Variants in ST3GAL2 observed in about 807,000 individuals in gnomAD.
ST3GAL2 encodes ST3 beta-galactoside alpha-2,3-sialyltransferase 2, also known as CMP-N-acetylneuraminate-beta-galactosamide-alpha-2,3-sialyltransferase 2.
ST3GAL2 carries 16 observed loss-of-function variants against 37.5 expected under a neutral mutation model. That is an observed-to-expected ratio of 0.43 (90% CI 0.29 to 0.65). The LOEUF is 0.65. ST3GAL2 is among the 30% of genes least tolerant of loss of function. The pLI is 0.17. For synonymous variants in ST3GAL2, 238 were observed against 202.9 expected (o/e 1.17, Z -1.47); for missense variants, 383 against 487.8 (o/e 0.79, Z 2.02).
chr16:70,425,698 G>A (rs989398789), intron 1 of ST3GAL2, among the ~76,000 whole-genome samples: 2 of 152,064 alleles, frequency 1.3e-5, no homozygotes, highest in African/African-American at 4.8e-5. Flanking sequence ...AGCCTGGGTG[G>A]GTAACAAGAG....
chr16:70,436,098 C>A (rs989722470), intron 1 of ST3GAL2, among the ~76,000 whole-genome samples: 2 of 151,062 alleles, frequency 1.3e-5, no homozygotes, highest in African/African-American at 2.4e-5. Flanking sequence ...TGCACTCCAG[C>A]CTGGGTGACA....
Position 70,382,786 on chromosome 16 carries a change from A to C in ST3GAL2, c.879+19T>G. On this transcript the variant is annotated intron_variant, in intron 6 of 6. Transcript: ENST00000342907. ...TCTGTTCCATGGGTTCCCACCACCC[A>C]CACCACGGGCCTACCCACCTCATCA... 1 of 1,613,810 alleles carries C rather than the reference A, an allele frequency of 6.2e-7. No homozygotes were observed. The highest frequency in any genetic ancestry group is 1.1e-5 in the South Asian group (1 of 91,056).
Position 70,398,092 on chromosome 16 carries a change from G to T in ST3GAL2, c.339+100C>A. The T allele has an allele frequency of 2.4e-6, 3 of 1,268,030 alleles. No individual in the cohort carries two copies. In the South Asian group the frequency reaches 4.3e-5, roughly 18 times the overall value. The allele number at this position is 1,268,030 out of a possible 1,614,324, so 78.5% of individuals were successfully genotyped here. On this transcript the variant is annotated intron_variant, in intron 2 of 6. Transcript: ENST00000342907. ...ATCCTATAAATGGCTTGGTCAAACA[G>T]GCATTTTGTCAAGGCTCTGGGGGCC...
At chr16:70,401,378 A>T (rs958568719) in intron 1 of ST3GAL2, among the ~76,000 whole-genome samples, 1 of 148,566 alleles carries the variant, frequency 6.7e-6, no homozygotes, top group Admixed American at 6.6e-5. Flanking sequence ...ACATGTCTGG[A>T]AAGAGCAGAG....
intron 3 of ST3GAL2, among the ~76,000 whole-genome samples, chr16:70,394,084 G>T (rs567625680): frequency 2.6e-5 from 4 of 152,172 alleles, no homozygotes; most frequent in African/African-American, 9.6e-5. Context: ...CGTTCAGGTC[G>T]TGAGCCTGCC....
At position 70,406,914 on chromosome 16, in the gene ST3GAL2, G is replaced by A. The variant is rs368840241; in HGVS notation, c.-1003-7381C>T. On this transcript the variant is annotated intron_variant, in intron 1 of 6. Coordinates refer to ENST00000342907, the MANE Select transcript of ST3GAL2 (RefSeq NM_006927.4). The stretch of plus-strand genomic sequence containing the variant: ...AATTTATGATCCAGGAAAAAGAAGT[G>A]AACAGAGGAACAAAGGCCGGGAGCA... Among the ~76,000 whole-genome samples the A allele has an allele frequency of 4.6e-5, 7 of 152,230 alleles. No homozygotes were observed. The East Asian group carries it at 1.4e-3, about 29-fold the overall frequency.
chr16:70,438,955 C>A lies in ST3GAL2; in HGVS notation c.-1010G>T. ...CCTCATCCCACCCGCGCACCTCAGTCAGCGCCCGGCGCCGCGCGGGCCATG... is the reference window on the plus strand; with the variant it reads ...CCTCATCCCACCCGCGCACCTCAGTAAGCGCCCGGCGCCGCGCGGGCCATG... On this transcript the variant is annotated 5_prime_UTR_variant, in exon 1 of 7. Coordinates refer to ENST00000342907, the MANE Select transcript of ST3GAL2 (RefSeq NM_006927.4). 6.8e-6 allele frequency: 1 copy of A among 146,926 alleles called. No individual in the cohort carries two copies. Among genetic ancestry groups the A allele is most frequent in the South Asian group, 1.9e-4 (1 of 5,384 alleles). The allele number at this position is 146,926 out of a possible 1,614,324, so 9.1% of individuals were successfully genotyped here.
intron 1 of ST3GAL2, among the ~76,000 whole-genome samples, chr16:70,430,504 A>G (rs1287730734): frequency 3.3e-5 from 5 of 152,184 alleles, no homozygotes; most frequent in Admixed American, 2.0e-4. Flanking sequence ...CTTCCCGTCT[A>G]AGGAAGTACC....
At chr16:70,383,377 A>C (rs1410948791) in intron 4 of ST3GAL2, 142 bp from the exon 5 acceptor site, 23 of 676,792 alleles carry the variant, frequency 3.4e-5, no homozygotes, top group Non-Finnish European at 4.6e-5. Context: ...TGAGGCCAGG[A>C]GTTTGAGGCC....
At chr16:70,402,389 T>C (rs1351203886) in intron 1 of ST3GAL2, among the ~76,000 whole-genome samples, 4 of 149,562 alleles carry the variant, frequency 2.7e-5, no homozygotes, top group Non-Finnish European at 5.9e-5. Flanking sequence ...GGGATGAATA[T>C]GGCCAAAAAA....
At chr16:70,419,707 G>A (rs538530698) in intron 1 of ST3GAL2, among the ~76,000 whole-genome samples, 7 of 152,184 alleles carry the variant, frequency 4.6e-5, no homozygotes, top group African/African-American at 1.7e-4. Context: ...CAGCTCGCTC[G>A]CCTCGCTAGT....
chr16:70,392,802 TGA>T (rs1255437979), intron 3 of ST3GAL2, among the ~76,000 whole-genome samples: 1 of 152,132 alleles, frequency 6.6e-6, no homozygotes, highest in African/African-American at 2.4e-5. Flanking sequence ...TTTTTGTTTT[TGA>T]GATAGGGTCT....
chr16:70,394,990 G>A lies in ST3GAL2; in HGVS notation c.525C>T (p.Phe175=), dbSNP rs2047505633. 4.3e-6 allele frequency: 7 copies of A among 1,612,960 alleles called. No individual in the cohort carries two copies. The East Asian group carries it at 1.1e-4, about 26-fold the overall frequency. The change falls in exon 3 of 7, where the codon TTC becomes TTT. Residue 175 remains phenylalanine (F), a synonymous_variant. Coordinates refer to ENST00000342907, the MANE Select transcript of ST3GAL2 (RefSeq NM_006927.4). ...GCTCCACAGGGGCTCACCTCATGAT[G>A]AAGTTGTGCCCGTCCACGTCCTGCC... The part of the protein sequence containing the change: ...GYGQDVDGHN[F]IMRMNQAPTV...
At position 70,395,134 on chromosome 16, in the gene ST3GAL2, C is replaced by A; in HGVS notation, c.381G>T (p.Val127=). ...PQFKSHNTNE[V]LEKLFQIVPG... is the part of the protein sequence containing the mutation. Reference sequence around the variant, plus strand: ...GCACTATCTGGAACAGCTTCTCCAGCACCTCATTGGTGTTGTGTGACTTGA... The same window carrying A: ...GCACTATCTGGAACAGCTTCTCCAGAACCTCATTGGTGTTGTGTGACTTGA... The change falls in exon 3 of 7, where the codon GTG becomes GTT. Residue 127 remains valine, a synonymous_variant. Transcript: ENST00000342907. The A allele has an allele frequency of 6.2e-7, 1 of 1,612,622 alleles. No individual in the cohort carries two copies. Among genetic ancestry groups the A allele is most frequent in the Non-Finnish European group, 8.5e-7 (1 of 1,179,384 alleles).
chr16:70,405,136 T>C (rs972484605), intron 1 of ST3GAL2, among the ~76,000 whole-genome samples: 14 of 151,170 alleles, frequency 9.3e-5, no homozygotes, highest in African/African-American at 2.2e-4. Flanking sequence ...AATACATAAA[T>C]AAACAAAATG....
In ST3GAL2 at chr16:70,388,528, G is replaced by A. The variant is rs747565878; in HGVS notation, c.552C>T (p.Thr184=). 17 of 1,599,080 alleles carry A rather than the reference G, an allele frequency of 1.1e-5. No individual in the cohort carries two copies. Among genetic ancestry groups the A allele is most frequent in the East Asian group, 2.2e-5 (1 of 44,596 alleles). ...NFIMRMNQAP[T]VGFEQDVGSR... is the part of the protein sequence containing the mutation. ...TGCCAACATCCTGCTCAAAGCCCAC[G>A]GTTGGCGCCTGATTCATCCTGCAGG... Residue 184 remains threonine, a synonymous_variant, in exon 4 of 7, where the codon ACC becomes ACT. Coordinates refer to ENST00000342907, the MANE Select transcript of ST3GAL2 (RefSeq NM_006927.4).
intron 4 of ST3GAL2, among the ~76,000 whole-genome samples, chr16:70,386,827 G>C (rs1468533053): frequency 6.6e-6 from 1 of 152,010 alleles, no homozygotes; most frequent in South Asian, 2.1e-4. Context: ...TTTATTTTTA[G>C]TACAGATGAG....
At chr16:70,411,365 C>T (rs1483832386) in intron 1 of ST3GAL2, among the ~76,000 whole-genome samples, 1 of 149,478 alleles carries the variant, frequency 6.7e-6, no homozygotes, top group Non-Finnish European at 1.5e-5. Flanking sequence ...GCCTGGATGA[C>T]AGTGATTGCA....
chr16:70,385,325 A>AC (rs1460562502), intron 4 of ST3GAL2, among the ~76,000 whole-genome samples: 10 of 152,032 alleles, frequency 6.6e-5, no homozygotes, highest in Non-Finnish European at 1.3e-4. Context: ...AAACAAACAA[A>AC]AAAGAATAGT....
Sources: gnomAD v4.1 joint callset for allele counts (sites outside exome capture counted in the v4.1 genomes callset) on GRCh38, gnomAD v4.1.1 for gene constraint, MANE v1.5 for transcripts, NCBI Gene and HGNC (gene_info 2026-07-23, HGNC 2026-07-21) for gene names.